Variants in SPCS2 observed in about 807,000 individuals in gnomAD.
SPCS2 encodes the protein signal peptidase complex subunit 2.
SPCS2 carries 3 observed loss-of-function variants against 22.3 expected under a neutral mutation model. The observed-to-expected ratio is 0.13, with a 90% confidence interval of 0.06 to 0.35. The LOEUF is 0.35. Among genes scored for constraint, SPCS2 ranks in the 10% least tolerant of loss-of-function variants. The pLI, the probability that SPCS2 is intolerant of heterozygous loss-of-function variation, is 1.00. For synonymous variants in SPCS2, 67 were observed against 97.2 expected, an observed-to-expected ratio of 0.69 and a Z score of 1.83; for missense variants, 169 against 280.9, an observed-to-expected ratio of 0.60 and a Z score of 2.85.
At position 74,978,061 on chromosome 11, in the gene SPCS2, C is replaced by G. The variant is rs1192329569; in HGVS notation, c.*1018C>G. Reference sequence around the variant, plus strand: ...AATTGTCACACAGCTAGTGATAGAACTGGGATTCAAACCTGGGGAGTCCGG... The same window carrying G: ...AATTGTCACACAGCTAGTGATAGAAGTGGGATTCAAACCTGGGGAGTCCGG... On this transcript the variant is annotated 3_prime_UTR_variant, in exon 5 of 5. Coordinates refer to ENST00000263672, the MANE Select transcript of SPCS2 (RefSeq NM_014752.3). 6.6e-6 allele frequency: 1 copy of G among 152,188 alleles called. No homozygotes were observed. The highest frequency in any genetic ancestry group is 6.5e-5 in the Admixed American group (1 of 15,274). 9.4% of individuals were successfully genotyped at this position (152,188 alleles called of 1,614,324 possible).
At position 74,955,878 on chromosome 11, in the gene SPCS2, A is replaced by ATATATG. The variant is rs1565484780; in HGVS notation, c.114+6484_114+6485insGTATAT. On this transcript the variant is annotated intron_variant, in intron 1 of 4. Transcript: ENST00000263672. Reference sequence around the variant, plus strand: ...TATATATATATATATATATATATATATATATATATCTGCCTGCCTAGGTAC... The same window carrying ATATATG: ...TATATATATATATATATATATATATATATATGTATATATATCTGCCTGCCTAGGTAC... Among the ~76,000 whole-genome samples, 3 of 117,304 alleles carry ATATATG rather than the reference A, an allele frequency of 2.6e-5. No individual in the cohort carries two copies. In the Admixed American group the frequency reaches 2.6e-4, roughly 10 times the overall value. 77.0% of individuals were successfully genotyped at this position (117,304 alleles called of 152,430 possible).
intron 4 of SPCS2, among the ~76,000 whole-genome samples, chr11:74,975,304 G>A (rs942228407): frequency 1.4e-4 from 22 of 152,036 alleles, no homozygotes; most frequent in Non-Finnish European, 2.9e-5. Flanking sequence ...TCTCTGCTCA[G>A]ACATCTGCTT....
chr11:74,964,680 C>G (rs1374440726), intron 1 of SPCS2, among the ~76,000 whole-genome samples: 1 of 152,210 alleles, frequency 6.6e-6, no homozygotes, highest in African/African-American at 2.4e-5. Flanking sequence ...CAAGTTTACA[C>G]TTACAGTCTG....
At chr11:74,975,547 G>T (rs1310375453) in intron 4 of SPCS2, among the ~76,000 whole-genome samples, 1 of 152,178 alleles carries the variant, frequency 6.6e-6, no homozygotes, top group Non-Finnish European at 1.5e-5. Context: ...ATCATGGACT[G>T]CCACCAAAGC....
intron 1 of SPCS2, 135 bp downstream of exon 1, chr11:74,949,534 T>C (rs1948308219): frequency 1.3e-6 from 1 of 781,814 alleles, no homozygotes; most frequent in Non-Finnish European, 2.2e-6. Flanking sequence ...ATCACAACCC[T>C]ACGCACGCTT....
chr11:74,952,437 C>T (rs12799786), intron 1 of SPCS2, among the ~76,000 whole-genome samples: 1 of 151,496 alleles, frequency 6.6e-6, no homozygotes, highest in Non-Finnish European at 1.5e-5. Flanking sequence ...GGTAAATGTT[C>T]TTTGGGTTTT....
At chr11:74,974,602 T>C (rs554824680) in intron 4 of SPCS2, among the ~76,000 whole-genome samples, 6 of 152,296 alleles carry the variant, frequency 3.9e-5, no homozygotes, top group African/African-American at 1.2e-4. Flanking sequence ...TATGTTACTG[T>C]AATGATGTTC....
chr11:74,969,686 T>C lies in SPCS2; in HGVS notation c.481T>C (p.Ser161Pro). The C allele has an allele frequency of 6.2e-7, 1 of 1,613,714 alleles. No homozygotes were observed. The highest frequency in any genetic ancestry group is 8.5e-7 in the Non-Finnish European group (1 of 1,179,676). Residue 161 changes from serine (S) to proline (P), a missense_variant, in exon 4 of 5, where the codon TCC becomes CCC. Ser to Pro is a moderately conservative substitution (Grantham distance 74). Around this residue, in one of 2 missense-constraint regions of SPCS2, gnomAD observed 118 missense variants for 243.1 expected, o/e 0.49. Coordinates refer to ENST00000263672, the MANE Select transcript of SPCS2 (RefSeq NM_014752.3). Reference sequence around the variant, plus strand: ...TCCTGATGATATTTGGCAGCTGTCCTCCAGTCTTAAAAGGTATGACTATCC... The same window carrying C: ...TCCTGATGATATTTGGCAGCTGTCCCCCAGTCTTAAAAGGTATGACTATCC... The part of the protein sequence containing the change: ...MDPDDIWQLS[S>P]SLKRFDDKYT...
At chr11:74,949,560 C>G in intron 1 of SPCS2, 161 bp downstream of exon 1, 2 of 697,708 alleles carry the variant, frequency 2.9e-6, no homozygotes, top group Non-Finnish European at 2.6e-6. Context: ...CTGCCCTTGC[C>G]CTCATCACAC....
chr11:74,953,590 A>G (rs531871626), intron 1 of SPCS2, among the ~76,000 whole-genome samples: 7 of 152,206 alleles, frequency 4.6e-5, no homozygotes, highest in Non-Finnish European at 1.0e-4. Context: ...AAGAAGTGTA[A>G]TAAAGAGATG....
intron 3 of SPCS2, among the ~76,000 whole-genome samples, chr11:74,967,675 G>A (rs1335764036): frequency 6.6e-6 from 1 of 152,214 alleles, no homozygotes; most frequent in Non-Finnish European, 1.5e-5. Flanking sequence ...CTTGAATCCA[G>A]GGGGCGGAAG....
intron 1 of SPCS2, among the ~76,000 whole-genome samples, chr11:74,950,719 C>T (rs1375233585): frequency 1.3e-5 from 2 of 152,138 alleles, no homozygotes; most frequent in African/African-American, 4.8e-5. Context: ...TTGCTTTTAA[C>T]TTTTCTGTAG....
chr11:74,978,168 T>G lies in SPCS2; in HGVS notation c.*1125T>G, dbSNP rs1948626778. 6.6e-6 allele frequency: 1 copy of G among 152,228 alleles called. No individual in the cohort carries two copies. The highest frequency in any genetic ancestry group is 2.1e-4 in the South Asian group (1 of 4,834). 9.4% of individuals were successfully genotyped at this position (152,228 alleles called of 1,614,324 possible). On this transcript the variant is annotated 3_prime_UTR_variant, in exon 5 of 5. Transcript: ENST00000263672. ...GTATGGTCAGAGAAGACCTGGGTGC[T>G]TGCCAAGATCCTTTGACCTTTAGGA...
At chr11:74,968,697 A>T (rs1271632629) in intron 3 of SPCS2, among the ~76,000 whole-genome samples, 1 of 151,636 alleles carries the variant, frequency 6.6e-6, no homozygotes, top group African/African-American at 2.4e-5. Context: ...TAATTTTTGT[A>T]TTTTTGGTAG....
At chr11:74,956,322 A>G (rs1001616445) in intron 1 of SPCS2, among the ~76,000 whole-genome samples, 1 of 152,086 alleles carries the variant, frequency 6.6e-6, no homozygotes, top group East Asian at 1.9e-4. Context: ...CCAACCGCCT[A>G]CTTGTCATCT....
intron 1 of SPCS2, among the ~76,000 whole-genome samples, chr11:74,960,421 T>G (rs1948505641): frequency 6.6e-6 from 1 of 152,148 alleles, no homozygotes; most frequent in Non-Finnish European, 1.5e-5. Context: ...TCAGCCAAAT[T>G]GCAGTTGGTT....
In SPCS2 at chr11:74,978,989, G is replaced by T. The variant is rs1230961583; in HGVS notation, c.*1946G>T. ...AATATATCTTAGGCATTTTCCCTGTGTGTGTGTATAATGCAGCTATTAAAA... is the reference window on the plus strand; with the variant it reads ...AATATATCTTAGGCATTTTCCCTGTTTGTGTGTATAATGCAGCTATTAAAA... On this transcript the variant is annotated 3_prime_UTR_variant, in exon 5 of 5. Transcript: ENST00000263672. 2 of 152,152 alleles carry T rather than the reference G, an allele frequency of 1.3e-5. No homozygotes were observed. The highest frequency in any genetic ancestry group is 1.3e-4 in the Admixed American group (2 of 15,284). 9.4% of individuals were successfully genotyped at this position (152,152 alleles called of 1,614,324 possible).
At chr11:74,964,246 G>T (rs1490454166) in intron 1 of SPCS2, among the ~76,000 whole-genome samples, 3 of 152,208 alleles carry the variant, frequency 2.0e-5, no homozygotes, top group Non-Finnish European at 4.4e-5. Context: ...AATTCAGGGT[G>T]CTAAGTTGGC....
intron 4 of SPCS2, among the ~76,000 whole-genome samples, chr11:74,976,135 A>T (rs182864116): frequency 7.9e-5 from 12 of 152,332 alleles, no homozygotes; most frequent in Admixed American, 2.0e-4. Context: ...CCTTGAAAGC[A>T]AGGGTTCTTC....
Sources: allele counts gnomAD v4.1 joint callset (sites outside exome capture counted in the v4.1 genomes callset), GRCh38; gene constraint gnomAD v4.1.1; regional missense constraint gnomAD v4.1.1; transcripts MANE v1.5; gene names NCBI Gene and HGNC (gene_info 2026-07-23, HGNC 2026-07-21).